Variants in NRXN1 observed in about 807,000 individuals in gnomAD.
NRXN1 encodes the protein neurexin-1.
In NRXN1, 39 loss-of-function variants were observed where a neutral mutation model predicts 150.9. The ratio of observed to expected loss-of-function variants is 0.26; its 90% CI spans 0.20 to 0.34. NRXN1 has a LOEUF of 0.34. Among genes scored for constraint, NRXN1 ranks in the 10% least tolerant of loss-of-function variants. The pLI is 1.00. For missense variants in NRXN1, 1,815 were observed against 1,949.9 expected, an observed-to-expected ratio of 0.93 and a Z score of 1.30; for synonymous variants, 924 against 757.0, an observed-to-expected ratio of 1.22 and a Z score of -3.62.
At chr2:50,866,764 G>A (rs974965574) in intron 5 of NRXN1, among the ~76,000 whole-genome samples, 4 of 151,834 alleles carry the variant, frequency 2.6e-5, no homozygotes, top group Non-Finnish European at 2.9e-5. Flanking sequence ...CTCAGAGAAT[G>A]AGGCCAATTC....
At chr2:50,195,403 T>C (rs925283168) in intron 18 of NRXN1, among the ~76,000 whole-genome samples, 1 of 152,214 alleles carries the variant, frequency 6.6e-6, no homozygotes, top group Non-Finnish European at 1.5e-5. Flanking sequence ...GCTTCAGTAG[T>C]AATTCTGCAT....
chr2:50,977,483 G>A (rs1372015106), intron 2 of NRXN1, among the ~76,000 whole-genome samples: 3 of 151,820 alleles, frequency 2.0e-5, no homozygotes, highest in Admixed American at 6.6e-5. Flanking sequence ...GACCACATAT[G>A]CCTCAGTAAG....
At chr2:50,545,409 G>A (rs1038594660) in intron 9 of NRXN1, among the ~76,000 whole-genome samples, 1 of 152,024 alleles carries the variant, frequency 6.6e-6, no homozygotes, top group Admixed American at 6.6e-5. Flanking sequence ...CCACAGTAAG[G>A]GTCACTAGGT....
At chr2:50,211,262 C>A (rs1200933199) in intron 18 of NRXN1, among the ~76,000 whole-genome samples, 2 of 135,080 alleles carry the variant, frequency 1.5e-5, no homozygotes, top group Non-Finnish European at 3.4e-5. Flanking sequence ...CAGTGAAAAA[C>A]ACACATGCAC....
intron 17 of NRXN1, among the ~76,000 whole-genome samples, chr2:50,457,631 T>A (rs185720035): frequency 6.6e-6 from 1 of 152,034 alleles, no homozygotes; most frequent in South Asian, 2.1e-4. Context: ...TTATAACAAA[T>A]AATTGAATTT....
chr2:50,129,520 G>C (rs781278886), intron 18 of NRXN1, among the ~76,000 whole-genome samples: 2 of 152,124 alleles, frequency 1.3e-5, no homozygotes, highest in African/African-American at 2.4e-5. Context: ...AAAAAGGGAA[G>C]AGAATTAGCA....
chr2:50,220,150 C>A (rs947817623), intron 18 of NRXN1, among the ~76,000 whole-genome samples: 2 of 149,618 alleles, frequency 1.3e-5, no homozygotes, highest in African/African-American at 4.9e-5. Flanking sequence ...CCTAACTCCT[C>A]AGTCAAACAC....
chr2:50,968,379 T>C (rs1377752547), intron 2 of NRXN1, among the ~76,000 whole-genome samples: 1 of 152,108 alleles, frequency 6.6e-6, no homozygotes, highest in Non-Finnish European at 1.5e-5. Flanking sequence ...ATATCAGCCA[T>C]TAATAACTGA....
chr2:50,518,243 A>T (rs929247018), intron 12 of NRXN1, among the ~76,000 whole-genome samples: 1 of 152,102 alleles, frequency 6.6e-6, no homozygotes, highest in African/African-American at 2.4e-5. Flanking sequence ...CTTTAAATCT[A>T]ATCTAGCTCA....
intron 5 of NRXN1, among the ~76,000 whole-genome samples, chr2:50,708,640 C>T (rs989810565): frequency 7.9e-5 from 12 of 152,056 alleles, no homozygotes; most frequent in African/African-American, 2.4e-4. Context: ...AAACAGGGTA[C>T]CCTTACCTAA....
Position 50,414,263 on chromosome 2 carries a change from A to G in NRXN1, c.3364+51179T>C, listed in dbSNP as rs185396305. Reference sequence around the variant, plus strand: ...GGGGATGGATACCCCATTCTTTGTGATGTGTGTATTTCACATTGCATATCT... The same window carrying G: ...GGGGATGGATACCCCATTCTTTGTGGTGTGTGTATTTCACATTGCATATCT... On this transcript the variant is annotated intron_variant, in intron 17 of 22. Coordinates refer to ENST00000401669, the MANE Select transcript of NRXN1 (RefSeq NM_001330078.2). Among the ~76,000 whole-genome samples the G allele has an allele frequency of 1.9e-3, 284 of 152,240 alleles. 1 individual carries two copies. Among genetic ancestry groups the G allele is most frequent in the Admixed American group, 3.2e-3 (49 of 15,286 alleles).
chr2:50,306,435 T>G (rs1200890661), intron 17 of NRXN1, among the ~76,000 whole-genome samples: 1 of 152,198 alleles, frequency 6.6e-6, no homozygotes, highest in Non-Finnish European at 1.5e-5. Flanking sequence ...GTCTTTAACT[T>G]AGCAAACACT....
At chr2:50,675,646 A>C (rs1312912140) in intron 5 of NRXN1, among the ~76,000 whole-genome samples, 1 of 152,154 alleles carries the variant, frequency 6.6e-6, no homozygotes, top group Non-Finnish European at 1.5e-5. Flanking sequence ...TCAGAAATTC[A>C]ATTAAACCAT....
chr2:51,010,909 T>C (rs1290850787), intron 2 of NRXN1, among the ~76,000 whole-genome samples: 1 of 151,692 alleles, frequency 6.6e-6, no homozygotes, highest in Non-Finnish European at 1.5e-5. Context: ...GCCTCAAAAA[T>C]AGCAGGAACT....
chr2:50,102,624 T>TA (rs1293667948), intron 18 of NRXN1, among the ~76,000 whole-genome samples: 4 of 152,054 alleles, frequency 2.6e-5, no homozygotes, highest in Non-Finnish European at 5.9e-5. Context: ...TACAGCATGC[T>TA]AAGTTTCAAG....
chr2:50,453,493 T>G (rs1224015688), intron 17 of NRXN1, among the ~76,000 whole-genome samples: 1 of 152,200 alleles, frequency 6.6e-6, no homozygotes, highest in Non-Finnish European at 1.5e-5. Context: ...CAACAACCAA[T>G]TTGTTCTGTT....
intron 18 of NRXN1, among the ~76,000 whole-genome samples, chr2:50,183,197 G>A (rs1182563424): frequency 3.3e-5 from 5 of 152,022 alleles, no homozygotes; most frequent in Non-Finnish European, 7.4e-5. Flanking sequence ...TTTATTTTTT[G>A]TCTTAGGACA....
intron 18 of NRXN1, among the ~76,000 whole-genome samples, chr2:50,099,373 T>TA (rs397759156): frequency 2.0e-5 from 3 of 151,962 alleles, no homozygotes; most frequent in South Asian, 2.1e-4. Flanking sequence ...TTCTTTTTTT[T>TA]AATTGAGATA....
chr2:50,007,492 G>T (rs9941503), intron 21 of NRXN1, among the ~76,000 whole-genome samples: 1 of 151,716 alleles, frequency 6.6e-6, no homozygotes, highest in African/African-American at 2.4e-5. Context: ...TTTGGTTTTC[G>T]GTTCCTGTGT....
Sources: gnomAD v4.1 joint callset for allele counts (sites outside exome capture counted in the v4.1 genomes callset) on GRCh38, gnomAD v4.1.1 for gene constraint, MANE v1.5 for transcripts, NCBI Gene and HGNC (gene_info 2026-07-23, HGNC 2026-07-21) for gene names.